The following DENND4A variants were observed in gnomAD, a reference collection of about 807,000 sequenced individuals.
DENND4A encodes the protein DENN domain containing 4A.
In DENND4A, 70 loss-of-function variants were observed where a neutral mutation model predicts 199.3. The ratio of observed to expected loss-of-function variants is 0.35; its 90% CI spans 0.29 to 0.43. DENND4A has a LOEUF of 0.43. Among genes scored for constraint, DENND4A ranks in the 20% least tolerant of loss-of-function variants. The probability of loss-of-function intolerance (pLI) is 1.00; values close to 1 mark genes in which losing one functional copy is unlikely to be tolerated. For missense variants in DENND4A, 1,723 were observed against 2,255.8 expected (o/e 0.76, Z 4.78); for synonymous variants, 686 against 766.9 (o/e 0.89, Z 1.74).
At chr15:65,745,289 T>C (rs1027911565) in intron 4 of DENND4A, among the ~76,000 whole-genome samples, 4 of 152,188 alleles carry the variant, frequency 2.6e-5, no homozygotes, top group African/African-American at 7.2e-5. Flanking sequence ...ATCTCTCTTA[T>C]TTAAAACACA....
intron 23 of DENND4A, among the ~76,000 whole-genome samples, chr15:65,678,675 C>A (rs796179917): frequency 5.9e-5 from 9 of 152,234 alleles, no homozygotes; most frequent in African/African-American, 1.4e-4. Context: ...TTATTAAATT[C>A]TTTTACAACA....
At chr15:65,713,147 T>A (rs923046012) in intron 14 of DENND4A, among the ~76,000 whole-genome samples, 1 of 152,208 alleles carries the variant, frequency 6.6e-6, no homozygotes, top group African/African-American at 2.4e-5. Flanking sequence ...ATTAACCTAA[T>A]AATGTTATGC....
intron 3 of DENND4A, among the ~76,000 whole-genome samples, chr15:65,753,152 C>T (rs2076611679): frequency 6.6e-6 from 1 of 152,066 alleles, no homozygotes; most frequent in Non-Finnish European, 1.5e-5. Context: ...CTTTTATTTT[C>T]TCTTTATTGG....
At chr15:65,772,170 T>A (rs2077151458) in intron 1 of DENND4A, 2 of 696,488 alleles carry the variant, frequency 2.9e-6, no homozygotes, top group African/African-American at 3.6e-5. Context: ...TATTTTCAAT[T>A]ACATTAGCAA....
intron 1 of DENND4A, among the ~76,000 whole-genome samples, chr15:65,779,468 AG>A (rs2077379335): frequency 6.6e-6 from 1 of 151,210 alleles, no homozygotes; most frequent in South Asian, 2.1e-4. Flanking sequence ...AAAAAAGAGA[AG>A]GAAAAAAAAG....
At chr15:65,676,141 A>AAAAAAAAATATAT (rs1362535499) in intron 24 of DENND4A, among the ~76,000 whole-genome samples, 2 of 110,464 alleles carry the variant, frequency 1.8e-5, no homozygotes, top group African/African-American at 6.1e-5. Context: ...AATAAGGAAA[A>AAAAAAAAATATAT]ATATATATAT....
rs34831088 is a variant in DENND4A, at chr15:65,788,854, TAA to T, written c.-102+3154_-102+3155del. On this transcript the variant is annotated intron_variant, in intron 1 of 32. Transcript: ENST00000443035. ...TGGGTGACAGAGCCAGGACTTGTCT[TAA>T]AAAAAAAAAAAAAAAAAAAAAGTAA... 3.5e-3 allele frequency among the ~76,000 whole-genome samples: 357 copies of T among 102,340 alleles called. 3 individuals are homozygous for T. The highest frequency in any genetic ancestry group is 9.7e-3 in the South Asian group (30 of 3,098). 67.1% of individuals were successfully genotyped at this position (102,340 alleles called of 152,430 possible).
At position 65,701,029 on chromosome 15, in the gene DENND4A, G is replaced by C. The variant is rs756683161; in HGVS notation, c.2701+22C>G. On this transcript the variant is annotated intron_variant, in intron 19 of 32. Transcript: ENST00000443035. ...CTAATCAATTAATTTTGAAGAACAA[G>C]TAAAACACATACATCCCTTACCTGA... is the stretch of plus-strand genomic sequence containing the variant. 5 of 1,581,464 alleles carry C rather than the reference G, an allele frequency of 3.2e-6. No individual in the cohort carries two copies. In the Admixed American group the frequency reaches 5.9e-5, roughly 19 times the overall value.
chr15:65,707,622 G>A (rs1204131575), intron 14 of DENND4A, among the ~76,000 whole-genome samples: 3 of 151,216 alleles, frequency 2.0e-5, no homozygotes, highest in East Asian at 1.9e-4. Context: ...ATAATAATGA[G>A]AAAAACATTT....
intron 9 of DENND4A, among the ~76,000 whole-genome samples, chr15:65,730,769 A>G (rs1437413067): frequency 6.6e-6 from 1 of 152,048 alleles, no homozygotes; most frequent in Non-Finnish European, 1.5e-5. Flanking sequence ...AAGGGTAAAG[A>G]GTTTCTTTTT....
intron 4 of DENND4A, among the ~76,000 whole-genome samples, chr15:65,743,226 A>G (rs181058236): frequency 6.6e-6 from 1 of 152,304 alleles, no homozygotes; most frequent in East Asian, 1.9e-4. Flanking sequence ...TCAGAATAAA[A>G]GCTAAAGTCC....
At chr15:65,747,969 G>A (rs1425911323) in intron 4 of DENND4A, among the ~76,000 whole-genome samples, 1 of 149,460 alleles carries the variant, frequency 6.7e-6, no homozygotes, top group Non-Finnish European at 1.5e-5. Context: ...GAACCCGGGA[G>A]GTGGAGGTTG....
Position 65,670,174 on chromosome 15 carries a change from A to G in DENND4A, c.4479T>C (p.Ser1493=), listed in dbSNP as rs2076174312. Residue 1493 remains serine, a synonymous_variant, in exon 26 of 33, where the codon AGT becomes AGC. Transcript: ENST00000443035. The part of the protein sequence containing the change: ...QNYAMEVLIS[S]CSRCRTCDCL... ...AATCACAAGTTCTACACCGAGAGCA[A>G]CTTGAGATGAGAACCTGTGGGAGAA... 2.0e-6 allele frequency: 3 copies of G among 1,528,096 alleles called. No individual in the cohort carries two copies. Among genetic ancestry groups the G allele is most frequent in the Admixed American group, 2.1e-5 (1 of 46,666 alleles). 94.7% of individuals were successfully genotyped at this position (1,528,096 alleles called of 1,614,324 possible).
chr15:65,774,358 C>T (rs900457807), intron 1 of DENND4A, among the ~76,000 whole-genome samples: 3 of 152,164 alleles, frequency 2.0e-5, no homozygotes, highest in African/African-American at 4.8e-5. Flanking sequence ...GGTGTGGTGG[C>T]GCATGCCTGT....
At chr15:65,766,161 G>C (rs1237703285) in intron 1 of DENND4A, among the ~76,000 whole-genome samples, 2 of 148,968 alleles carry the variant, frequency 1.3e-5, no homozygotes, top group Non-Finnish European at 3.0e-5. Flanking sequence ...TGAGGCAGGA[G>C]AATCACTTGA....
chr15:65,756,140 C>A lies in DENND4A; in HGVS notation c.311G>T (p.Gly104Val). The A allele has an allele frequency of 1.2e-6, 2 of 1,600,108 alleles. No homozygotes were observed. Among genetic ancestry groups the A allele is most frequent in the Non-Finnish European group, 1.7e-6 (2 of 1,173,304 alleles). ...GTAAGTCGTTTAAAAAAATACTTAC[C>A]CCAGATCTGTAAGTGGAGGCTTATC... is the stretch of plus-strand genomic sequence containing the variant. Reference protein sequence around the residue: ...GRDKPPLTDLGVLYDWKERLK... With the variant: ...GRDKPPLTDLVVLYDWKERLK... Residue 104 changes from glycine (G) to valine (V), a missense_variant and splice_region_variant, in exon 3 of 33, where the codon GGG (glycine) becomes GTG (valine). Transcript: ENST00000443035.
At chr15:65,781,581 G>T (rs921585321) in intron 1 of DENND4A, among the ~76,000 whole-genome samples, 3 of 152,176 alleles carry the variant, frequency 2.0e-5, no homozygotes, top group Admixed American at 1.3e-4. Context: ...AAGAAATCAT[G>T]AATGATTCCA....
chr15:65,753,107 C>G (rs913453161), intron 3 of DENND4A, among the ~76,000 whole-genome samples: 2 of 152,118 alleles, frequency 1.3e-5, no homozygotes, highest in African/African-American at 2.4e-5. Context: ...AACTTCAAAT[C>G]CATCCTTAAT....
At chr15:65,676,193 A>G (rs769878159) in intron 24 of DENND4A, among the ~76,000 whole-genome samples, 5 of 133,790 alleles carry the variant, frequency 3.7e-5, no homozygotes, top group Non-Finnish European at 8.0e-5. Flanking sequence ...TAAAAAAGCA[A>G]CGATGGAAGG....
Sources: allele counts gnomAD v4.1 joint callset (sites outside exome capture counted in the v4.1 genomes callset), GRCh38; gene constraint gnomAD v4.1.1; transcripts MANE v1.5; gene names NCBI Gene and HGNC (gene_info 2026-07-23, HGNC 2026-07-21).